ME3: variants seen among roughly 807,000 people sequenced by gnomAD.
The protein encoded by ME3 is NADP-dependent malic enzyme, mitochondrial.
ME3 carries 48 observed loss-of-function variants against 68.9 expected under a neutral mutation model. The observed-to-expected ratio is 0.70, with a 90% CI of 0.55 to 0.89. The LOEUF (loss-of-function observed/expected upper bound fraction) is 0.89, where lower values mean the gene tolerates loss of function less well. ME3 is among the 40% of genes least tolerant of loss of function. ME3 has a pLI of 0.00. For missense variants in ME3, 675 were observed against 797.4 expected (o/e 0.85, Z 1.85); for synonymous variants, 320 against 318.8 (o/e 1.00, Z -0.04).
chr11:86,589,665 T>A (rs191091141), intron 2 of ME3, among the ~76,000 whole-genome samples: 1 of 152,192 alleles, frequency 6.6e-6, no homozygotes, highest in African/African-American at 2.4e-5. Flanking sequence ...TTTGAAAAAA[T>A]TATTGGGCTA....
intron 2 of ME3, among the ~76,000 whole-genome samples, chr11:86,653,685 A>G (rs1294277699): frequency 6.6e-6 from 1 of 152,252 alleles, no homozygotes; most frequent in Non-Finnish European, 1.5e-5. Context: ...AATTAAAAGA[A>G]CTAGAGAAGC....
chr11:86,450,328 G>A (rs768467057), exon 9 of ME3: 8 of 1,614,120 alleles, frequency 5.0e-6, no homozygotes, highest in Non-Finnish European at 6.8e-6. Context: ...AAACAAACAC[G>A]TGATTGGAAA....
chr11:86,646,846 T>G (rs527489824), intron 2 of ME3, among the ~76,000 whole-genome samples: 42 of 152,298 alleles, frequency 2.8e-4, no homozygotes, highest in African/African-American at 8.2e-4. Flanking sequence ...AGACTAACAG[T>G]GGATCTCTCT....
intron 7 of ME3, among the ~76,000 whole-genome samples, chr11:86,473,949 G>A (rs1220402166): frequency 6.6e-6 from 1 of 152,254 alleles, no homozygotes; most frequent in African/African-American, 2.4e-5. Context: ...GCCAATGAGT[G>A]GAAGTCAGAA....
At chr11:86,444,659 G>A (rs976194104) in intron 13 of ME3, among the ~76,000 whole-genome samples, 2 of 152,166 alleles carry the variant, frequency 1.3e-5, no homozygotes, top group African/African-American at 4.8e-5. Flanking sequence ...GGGCTCACAA[G>A]ACCAGCGATC....
At chr11:86,666,757 A>G (rs1364146200) in intron 2 of ME3, among the ~76,000 whole-genome samples, 1 of 152,206 alleles carries the variant, frequency 6.6e-6, no homozygotes, top group African/African-American at 2.4e-5. Flanking sequence ...ACAATTTTAC[A>G]TCATACCTGA....
chr11:86,637,087 A>G (rs1944378281), intron 2 of ME3, among the ~76,000 whole-genome samples: 1 of 152,210 alleles, frequency 6.6e-6, no homozygotes, highest in Non-Finnish European at 1.5e-5. Context: ...CAAATCAGTA[A>G]TGGTGCCTGT....
At chr11:86,518,586 A>G (rs1954048777) in intron 4 of ME3, among the ~76,000 whole-genome samples, 1 of 152,200 alleles carries the variant, frequency 6.6e-6, no homozygotes, top group South Asian at 2.1e-4. Flanking sequence ...ATCTCCATGT[A>G]TATGTAAAAC....
At chr11:86,496,200 G>A (rs1456239293) in intron 6 of ME3, among the ~76,000 whole-genome samples, 2 of 152,132 alleles carry the variant, frequency 1.3e-5, no homozygotes, top group Admixed American at 1.3e-4. Context: ...GAGGTCAGGA[G>A]TTTGAGACCA....
exon 7 of ME3, chr11:86,487,369 C>G: frequency 6.2e-7 from 1 of 1,614,192 alleles, no homozygotes; most frequent in South Asian, 1.1e-5. Context: ...ACTCATCCAG[C>G]AAGTCATCGT....
At chr11:86,526,528 C>T (rs1196794036) in intron 4 of ME3, among the ~76,000 whole-genome samples, 1 of 152,198 alleles carries the variant, frequency 6.6e-6, no homozygotes, top group Non-Finnish European at 1.5e-5. Context: ...TAGTGGTTCT[C>T]CCAGCACACA....
chr11:86,648,881 A>G (rs565384374), intron 2 of ME3, among the ~76,000 whole-genome samples: 129 of 152,324 alleles, frequency 8.5e-4, no homozygotes, highest in South Asian at 3.5e-3. Flanking sequence ...GCCAAATTCC[A>G]CCAGAGGTAC....
At chr11:86,590,059 C>T (rs1958969897) in intron 2 of ME3, among the ~76,000 whole-genome samples, 1 of 152,128 alleles carries the variant, frequency 6.6e-6, no homozygotes, top group Admixed American at 6.5e-5. Context: ...CTGTCCCAAA[C>T]CAGGGAAGAG....
exon 10 of ME3, chr11:86,449,944 T>C (rs1268535339): frequency 6.2e-7 from 1 of 1,614,110 alleles, no homozygotes; most frequent in Admixed American, 1.7e-5. Flanking sequence ...GGCCTCTGCC[T>C]TCGGTACACC....
At chr11:86,622,679 A>G (rs1943420614) in intron 2 of ME3, 1 of 151,884 alleles carries the variant, frequency 6.6e-6, no homozygotes, top group Non-Finnish European at 1.5e-5. Context: ...TCTCCTGTGT[A>G]TATTTTTTGA....
chr11:86,617,607 A>G lies in ME3; in HGVS notation c.183+54155T>C, dbSNP rs550126503. Among the ~76,000 whole-genome samples the G allele has an allele frequency of 3.0e-4, 46 of 152,288 alleles. 1 individual carries two copies. The South Asian group carries it at 9.6e-3, about 32-fold the overall frequency. On this transcript the variant is annotated intron_variant, in intron 2 of 14. Transcript: ENST00000543262. ...ACAAATGCCCATTGTAAGACATGGG[A>G]ATTTTTTCATTTGAGCTGCTTAGAA... is the stretch of plus-strand genomic sequence containing the variant.
chr11:86,485,737 G>C (rs1215157661), intron 7 of ME3, among the ~76,000 whole-genome samples: 1 of 152,028 alleles, frequency 6.6e-6, no homozygotes, highest in African/African-American at 2.4e-5. Context: ...TCATTCCCTT[G>C]AATAGACTCT....
At chr11:86,637,967 T>TACACACACACACACACACACACACAC (rs5793205) in intron 2 of ME3, among the ~76,000 whole-genome samples, 19 of 145,162 alleles carry the variant, frequency 1.3e-4, no homozygotes, top group African/African-American at 4.7e-4. Flanking sequence ...TGCTCATGCA[T>TACACACACACACACACACACACACAC]ACACACACAC....
intron 2 of ME3, among the ~76,000 whole-genome samples, chr11:86,669,506 G>A (rs771707658): frequency 3.9e-5 from 6 of 152,186 alleles, no homozygotes; most frequent in Non-Finnish European, 7.3e-5. Context: ...TCAGAGGGTG[G>A]CAGGAGAGAG....
Sources: allele counts gnomAD v4.1 joint callset (sites outside exome capture counted in the v4.1 genomes callset), GRCh38; gene constraint gnomAD v4.1.1; transcripts MANE v1.5; gene names NCBI Gene and HGNC (gene_info 2026-07-23, HGNC 2026-07-21).